Variants in CHMP4C observed in about 807,000 individuals in gnomAD.
The protein encoded by CHMP4C is SNF7 homolog associated with Alix 3.
CHMP4C carries 28 observed loss-of-function variants against 29.0 expected under a neutral mutation model. The observed-to-expected ratio is 0.97, with a 90% CI of 0.72 to 1.32. The LOEUF (loss-of-function observed/expected upper bound fraction) is 1.32. Ranked by LOEUF, CHMP4C falls within the 40% of genes most tolerant of loss-of-function variation. The pLI is 0.00. For missense variants in CHMP4C, 291 were observed against 281.0 expected, an observed-to-expected ratio of 1.04 and a Z score of -0.25; for synonymous variants, 106 against 102.4, an observed-to-expected ratio of 1.04 and a Z score of -0.21.
rs141018778 is a variant in CHMP4C at position 81,749,969 on chromosome 8, C to T, written c.191-3095C>T. On this transcript the variant is annotated intron_variant, in intron 1 of 4. Transcript: ENST00000297265. ...ACTTGAGAGAGATGATTTAGAGTAT[C>T]TGGTGAAGGGAATTTCTAAGTGGCA... 1.5e-3 allele frequency among the ~76,000 whole-genome samples: 225 copies of T among 152,234 alleles called. 1 individual carries two copies. Among genetic ancestry groups the T allele is most frequent in the African/African-American group, 5.2e-3 (215 of 41,536 alleles).
chr8:81,736,435 A>G (rs1808692149), intron 1 of CHMP4C, among the ~76,000 whole-genome samples: 1 of 152,074 alleles, frequency 6.6e-6, no homozygotes, highest in Non-Finnish European at 1.5e-5. Flanking sequence ...TGCTGACAAG[A>G]GCCACTGGGC....
Position 81,755,430 on chromosome 8 carries a change from A to G in CHMP4C, c.429A>G (p.Gln143=), listed in dbSNP as rs1280176000. The change falls in exon 3 of 5, where the codon CAA becomes CAG. Residue 143 remains glutamine (Q), a synonymous_variant. Coordinates refer to ENST00000297265, the MANE Select transcript of CHMP4C (RefSeq NM_152284.4). ...TCACAGAGCAACAGGATATCGCCCA[A>G]GAAATCTCAGAAGCATTTTCTCAAC... is the stretch of plus-strand genomic sequence containing the variant. The part of the protein sequence containing the change: ...QEITEQQDIA[Q]EISEAFSQRV... The G allele has an allele frequency of 1.9e-6, 3 of 1,612,674 alleles. No individual in the cohort carries two copies. The highest frequency in any genetic ancestry group is 2.5e-6 in the Non-Finnish European group (3 of 1,178,930).
intron 1 of CHMP4C, among the ~76,000 whole-genome samples, chr8:81,752,163 C>T (rs1184484577): frequency 6.6e-6 from 1 of 152,174 alleles, no homozygotes; most frequent in African/African-American, 2.4e-5. Flanking sequence ...GATAACTTAC[C>T]TGCTTTACTT....
At chr8:81,756,314 A>G (rs1266245794) in intron 3 of CHMP4C, among the ~76,000 whole-genome samples, 1 of 152,216 alleles carries the variant, frequency 6.6e-6, no homozygotes, top group East Asian at 1.9e-4. Flanking sequence ...TTAATGTTGT[A>G]GAAAACAATA....
intron 1 of CHMP4C, among the ~76,000 whole-genome samples, chr8:81,736,690 A>G (rs989294126): frequency 6.6e-6 from 1 of 152,166 alleles, no homozygotes; most frequent in Non-Finnish European, 1.5e-5. Flanking sequence ...CTGCCAGGGA[A>G]CATTGCTGTC....
In CHMP4C at chr8:81,753,202, G is replaced by A. The variant is rs747326322; in HGVS notation, c.329G>A (p.Gly110Asp). 1 of 1,608,320 alleles carries A rather than the reference G, an allele frequency of 6.2e-7. No individual in the cohort carries two copies. Among genetic ancestry groups the A allele is most frequent in the Non-Finnish European group, 8.5e-7 (1 of 1,177,424 alleles). ...AACACTGAGGTGTTGAGGAACATGG[G>A]CTTTGCAGCAAAAGCGATGAAATCT... ...HTNTEVLRNMGFAAKAMKSVH... is the reference protein window; with the variant it reads ...HTNTEVLRNMDFAAKAMKSVH... Residue 110 changes from glycine to aspartate, a missense_variant, in exon 2 of 5, where the codon GGC becomes GAC. By Grantham distance (94) the Gly-to-Asp change is moderately conservative (BLOSUM62 -1). Coordinates refer to ENST00000297265, the MANE Select transcript of CHMP4C (RefSeq NM_152284.4).
intron 1 of CHMP4C, 128 bp downstream of exon 1, chr8:81,732,944 G>A (rs1808637919): frequency 1.2e-6 from 1 of 828,334 alleles, no homozygotes; most frequent in South Asian, 1.9e-5. Flanking sequence ...CTAGGAACTG[G>A]TACTGACTCT....
rs68130793 is a variant in CHMP4C, at chr8:81,739,097, C to CTT, written c.190+6298_190+6299dup. 2.0e-3 allele frequency among the ~76,000 whole-genome samples: 202 copies of CTT among 100,726 alleles called. 4 individuals carry two copies. The highest frequency in any genetic ancestry group is 7.1e-3 in the African/African-American group (179 of 25,126). The allele number at this position is 100,726 out of a possible 152,430, so 66.1% of individuals were successfully genotyped here. A position where few individuals can be genotyped will look rare whatever the true frequency, so the allele number is the denominator to read the frequency against. On this transcript the variant is annotated intron_variant, in intron 1 of 4. Coordinates refer to ENST00000297265, the MANE Select transcript of CHMP4C (RefSeq NM_152284.4). ...TCTGCTTACTCTTTTTTTCTTTTCC[C>CTT]TTTTTTTTTTTTTTTTTTGAGATGG...
intron 1 of CHMP4C, among the ~76,000 whole-genome samples, chr8:81,736,784 G>T (rs570917831): frequency 3.9e-5 from 6 of 152,300 alleles, no homozygotes; most frequent in African/African-American, 1.4e-4. Context: ...CATGGGACAG[G>T]TTGGCAAATT....
intron 1 of CHMP4C, among the ~76,000 whole-genome samples, chr8:81,733,390 T>G (rs1288502715): frequency 6.6e-6 from 1 of 152,230 alleles, no homozygotes; most frequent in East Asian, 1.9e-4. Flanking sequence ...TGAAGTTTTC[T>G]GCTGTATGTT....
intron 3 of CHMP4C, among the ~76,000 whole-genome samples, chr8:81,755,874 G>C (rs948133713): frequency 6.6e-6 from 1 of 152,140 alleles, no homozygotes; most frequent in Non-Finnish European, 1.5e-5. Flanking sequence ...TAGAGGTTAG[G>C]CTGCCTCTGT....
intron 2 of CHMP4C, among the ~76,000 whole-genome samples, 183 bp from the exon 3 acceptor site, chr8:81,755,187 T>C (rs1318499591): frequency 6.6e-6 from 1 of 152,172 alleles, no homozygotes; most frequent in Admixed American, 6.6e-5. Flanking sequence ...TTATAATATA[T>C]GGATTATTAA....
intron 1 of CHMP4C, among the ~76,000 whole-genome samples, chr8:81,737,138 A>G (rs1327843938): frequency 1.3e-5 from 2 of 152,220 alleles, no homozygotes; most frequent in Non-Finnish European, 2.9e-5. Flanking sequence ...GTGGTAATCT[A>G]CTTTGTGGAA....
chr8:81,754,872 C>T (rs889879749), intron 2 of CHMP4C, among the ~76,000 whole-genome samples: 1 of 152,102 alleles, frequency 6.6e-6, no homozygotes, highest in African/African-American at 2.4e-5. Flanking sequence ...TGCAAAAACC[C>T]TTGGGGAGCC....
intron 1 of CHMP4C, among the ~76,000 whole-genome samples, chr8:81,743,078 A>G (rs1296627855): frequency 6.6e-6 from 1 of 152,050 alleles, no homozygotes; most frequent in Admixed American, 6.6e-5. Context: ...ATAGTCATAG[A>G]ACCACAGACA....
intron 1 of CHMP4C, among the ~76,000 whole-genome samples, chr8:81,752,509 G>T (rs1808916526): frequency 1.3e-5 from 2 of 152,116 alleles, no homozygotes; most frequent in African/African-American, 4.8e-5. Context: ...ATTCATGGAT[G>T]CTCACGGTTA....
In CHMP4C at chr8:81,759,216, A is replaced by C. The variant is rs1276039926; in HGVS notation, c.*672A>C. On this transcript the variant is annotated 3_prime_UTR_variant, in exon 5 of 5. Transcript: ENST00000297265. ...CAGTTTGAAATCTTAAAGGAGCTTT[A>C]ATTGACATTTATTATACCAATTAAG... 3 of 152,600 alleles carry C rather than the reference A, an allele frequency of 2.0e-5. No individual in the cohort carries two copies. The highest frequency in any genetic ancestry group is 7.2e-5 in the African/African-American group (3 of 41,440). The allele number at this position is 152,600 out of a possible 1,614,324, so 9.5% of individuals were successfully genotyped here.
chr8:81,756,051 T>C (rs1263482472), intron 3 of CHMP4C, among the ~76,000 whole-genome samples: 3 of 152,214 alleles, frequency 2.0e-5, no homozygotes, highest in Non-Finnish European at 1.5e-5. Context: ...GTAGGACTAG[T>C]ACACATTTAG....
At chr8:81,737,082 G>C (rs912112329) in intron 1 of CHMP4C, among the ~76,000 whole-genome samples, 1 of 152,234 alleles carries the variant, frequency 6.6e-6, no homozygotes, top group African/African-American at 2.4e-5. Flanking sequence ...AGAGATTCTT[G>C]AATGCAGTTT....
Sources: allele counts gnomAD v4.1 joint callset (sites outside exome capture counted in the v4.1 genomes callset), GRCh38; gene constraint gnomAD v4.1.1; transcripts MANE v1.5; gene names NCBI Gene and HGNC (gene_info 2026-07-23, HGNC 2026-07-21).